The following FHAD1 variants were observed in gnomAD, a reference collection of about 807,000 sequenced individuals.
FHAD1 encodes the protein forkhead associated phosphopeptide binding domain 1, also known as forkhead-associated domain-containing protein 1.
A neutral mutation model predicts 191.3 loss-of-function variants in FHAD1; 146 were observed. That is an observed-to-expected ratio of 0.76 (90% CI 0.67 to 0.88). The LOEUF (loss-of-function observed/expected upper bound fraction) is 0.88, where lower values mean the gene tolerates loss of function less well. Ranked by LOEUF, FHAD1 falls within the 40% of genes least tolerant of loss-of-function variation. The pLI is 0.00. For missense variants in FHAD1, 1,635 were observed against 1,785.8 expected (o/e 0.92, Z 1.52); for synonymous variants, 616 against 672.3 (o/e 0.92, Z 1.29).
chr1:15,380,612 C>A, intron 28 of FHAD1, 89 bp from the exon 29 acceptor site: 3 of 1,033,908 alleles, frequency 2.9e-6, no homozygotes, highest in Non-Finnish European at 4.4e-6. Context: ...TTGAGTTAAT[C>A]TTCGGTAATC....
chr1:15,309,655 A>G (rs77190968), intron 7 of FHAD1, among the ~76,000 whole-genome samples: 1 of 147,926 alleles, frequency 6.8e-6, no homozygotes, highest in Non-Finnish European at 1.5e-5. Context: ...CTAAAACATT[A>G]TGAGATTTTT....
At chr1:15,373,702 A>G (rs564486894) in intron 26 of FHAD1, among the ~76,000 whole-genome samples, 1 of 152,236 alleles carries the variant, frequency 6.6e-6, no homozygotes, top group South Asian at 2.1e-4. Context: ...AAAAATAGAG[A>G]AAAATTAGTC....
intron 1 of FHAD1, among the ~76,000 whole-genome samples, chr1:15,242,158 G>C (rs59416047): frequency 6.6e-6 from 1 of 150,432 alleles, no homozygotes; most frequent in African/African-American, 2.5e-5. Context: ...GCTTGAACCC[G>C]GGAGGAGGAG....
intron 14 of FHAD1, 139 bp from the exon 15 acceptor site, chr1:15,339,342 T>C (rs1206933407): frequency 8.0e-6 from 3 of 375,204 alleles, no homozygotes; most frequent in African/African-American, 6.4e-5. Flanking sequence ...GCCCGGCTGC[T>C]TATCAACTAC....
chr1:15,335,391 C>T (rs895046320), intron 14 of FHAD1: 2 of 152,088 alleles, frequency 1.3e-5, no homozygotes, highest in African/African-American at 4.8e-5. Flanking sequence ...ACTCTTCTTG[C>T]ATGCATGGCA....
Position 15,345,454 on chromosome 1 carries a change from G to C in FHAD1, c.2277G>C (p.Val759=). 6.4e-7 allele frequency: 1 copy of C among 1,552,404 alleles called. No individual in the cohort carries two copies. The highest frequency in any genetic ancestry group is 1.2e-5 in the South Asian group (1 of 84,066). ...GCATTACCCAGGAGAAGAACAGAGT[G>C]AAGGAAGCATTAGAGGAAGAGCAGA... The part of the protein sequence containing the change: ...AKSITQEKNR[V]KEALEEEQTR... Residue 759 remains valine (V), a synonymous_variant, in exon 18 of 34, where the codon GTG becomes GTC. Transcript: ENST00000688493.
At chr1:15,391,887 G>C (rs957717892) in intron 33 of FHAD1, among the ~76,000 whole-genome samples, 1 of 152,228 alleles carries the variant, frequency 6.6e-6, no homozygotes, top group Non-Finnish European at 1.5e-5. Flanking sequence ...TTTGCCACCT[G>C]CAAAGTGGGA....
chr1:15,363,796 G>A (rs538926683), intron 23 of FHAD1: 6 of 455,924 alleles, frequency 1.3e-5, no homozygotes, highest in Admixed American at 9.4e-5. Context: ...AGAAACAAAC[G>A]TATGAATGGG....
At position 15,348,811 on chromosome 1, in the gene FHAD1, C is replaced by T. The variant is rs1200984112; in HGVS notation, c.2347-231C>T. Among the ~76,000 whole-genome samples the T allele has an allele frequency of 2.0e-5, 3 of 152,238 alleles. No individual in the cohort carries two copies. The East Asian group carries it at 5.8e-4, about 29-fold the overall frequency. ...CAAAGGGTGTGGCTCTGGGCCCTCT[C>T]CGACTTCCTGCTCCTCGGTTTCCTC... On this transcript the variant is annotated intron_variant, in intron 18 of 33. Coordinates refer to ENST00000688493, the MANE Select transcript of FHAD1 (RefSeq NM_001391957.1).
chr1:15,375,437 T>C (rs1004775667), intron 27 of FHAD1, among the ~76,000 whole-genome samples, 166 bp from the exon 28 acceptor site: 1 of 152,156 alleles, frequency 6.6e-6, no homozygotes, highest in South Asian at 2.1e-4. Flanking sequence ...CGGGTGACCT[T>C]GGCCAGGTCA....
intron 26 of FHAD1, among the ~76,000 whole-genome samples, chr1:15,372,737 A>G (rs1010660492): frequency 2.0e-5 from 3 of 152,260 alleles, no homozygotes; most frequent in South Asian, 2.1e-4. Flanking sequence ...TGGTATTTTA[A>G]AAAGTATTAT....
In FHAD1 at chr1:15,389,402, C is replaced by T. The variant is rs1437495287; in HGVS notation, c.4269+1271C>T. On this transcript the variant is annotated intron_variant, in intron 32 of 33. Transcript: ENST00000688493. Reference sequence around the variant, plus strand: ...TCAAGGTTGCGATGAGCCACATAAGCATCCCGCTAAACTCTAGCCTGAGCA... The same window carrying T: ...TCAAGGTTGCGATGAGCCACATAAGTATCCCGCTAAACTCTAGCCTGAGCA... 4.9e-4 allele frequency among the ~76,000 whole-genome samples: 68 copies of T among 138,034 alleles called. 1 individual carries two copies. The highest frequency in any genetic ancestry group is 7.5e-5 in the Non-Finnish European group (5 of 66,440). 90.6% of individuals were successfully genotyped at this position (138,034 alleles called of 152,430 possible).
At chr1:15,273,486 C>CT (rs34698619) in intron 3 of FHAD1, among the ~76,000 whole-genome samples, 87,986 of 151,876 alleles carry the variant, frequency 0.58, 25,808 homozygotes, top group East Asian at 0.8. Flanking sequence ...TCCTCATGAC[C>CT]TTAGCATTTC....
chr1:15,401,883 G>A (rs544756057), downstream of FHAD1, among the ~76,000 whole-genome samples: 289 of 152,262 alleles, frequency 1.9e-3, no homozygotes, highest in Middle Eastern at 6.8e-3. Context: ...AGTGTCCCAG[G>A]TTATTTTGGG....
At chr1:15,367,735 G>A in intron 25 of FHAD1, 113 bp downstream of exon 25, 1 of 840,342 alleles carries the variant, frequency 1.2e-6, no homozygotes, top group African/African-American at 1.7e-5. Flanking sequence ...ATGAATGAAT[G>A]ATATGTGTTT....
At chr1:15,291,485 T>C (rs932996100) in intron 4 of FHAD1, among the ~76,000 whole-genome samples, 7 of 152,346 alleles carry the variant, frequency 4.6e-5, no homozygotes, top group South Asian at 2.1e-4. Flanking sequence ...CCTACAGCTG[T>C]AGACTTCCCC....
At chr1:15,290,307 T>A (rs891079096) in intron 4 of FHAD1, among the ~76,000 whole-genome samples, 1 of 152,126 alleles carries the variant, frequency 6.6e-6, no homozygotes, top group Non-Finnish European at 1.5e-5. Flanking sequence ...TTCCCATCTG[T>A]CACTGTCCTC....
At position 15,341,829 on chromosome 1, in the gene FHAD1, A is replaced by C. The variant is rs529462171; in HGVS notation, c.2071A>C (p.Arg691=). 2 of 1,551,870 alleles carry C rather than the reference A, an allele frequency of 1.3e-6. No individual in the cohort carries two copies. Among genetic ancestry groups the C allele is most frequent in the South Asian group, 2.4e-5 (2 of 84,048 alleles). ...AGAGAAGGAGAAGCTGAACGAGGAG[A>C]GGCTAGAGCAAGAGGAGAAGCTCAA... ...LAEKEKLNEE[R]LEQEEKLKAK... Residue 691 remains arginine (R), a synonymous_variant, in exon 16 of 34, where the codon AGG becomes CGG. Transcript: ENST00000688493.
In FHAD1 at chr1:15,308,641, A is replaced by G; in HGVS notation, c.944A>G (p.Lys315Arg). The G allele has an allele frequency of 1.3e-6, 2 of 1,551,766 alleles. No individual in the cohort carries two copies. The highest frequency in any genetic ancestry group is 1.7e-6 in the Non-Finnish European group (2 of 1,147,002). Residue 315 changes from lysine (K) to arginine (R), a missense_variant, in exon 7 of 34, where the codon AAG (lysine) becomes AGG (arginine). Coordinates refer to ENST00000688493, the MANE Select transcript of FHAD1 (RefSeq NM_001391957.1). ...QISALQKGYSKVLCQTLSERN... is the reference protein window; with the variant it reads ...QISALQKGYSRVLCQTLSERN... The stretch of plus-strand genomic sequence containing the variant: ...AGTGCCCTACAGAAAGGCTACAGCA[A>G]GGTGCTGTGCCAGACCCTGTCAGAG...
Sources: gnomAD v4.1 joint callset for allele counts (sites outside exome capture counted in the v4.1 genomes callset) on GRCh38, gnomAD v4.1.1 for gene constraint, MANE v1.5 for transcripts, NCBI Gene and HGNC (gene_info 2026-07-23, HGNC 2026-07-21) for gene names.